ARHGEF3: variants seen among roughly 807,000 people sequenced by gnomAD.
ARHGEF3 encodes the protein Rho guanine nucleotide exchange factor 3.
In ARHGEF3, 28 loss-of-function variants were observed where a neutral mutation model predicts 63.2. That is an observed-to-expected ratio of 0.44 (90% CI 0.33 to 0.61). The LOEUF is 0.61. ARHGEF3 is among the 20% of genes least tolerant of loss of function. The pLI is 0.03. For synonymous variants in ARHGEF3, 266 were observed against 254.2 expected (o/e 1.05, Z -0.44); for missense variants, 533 against 659.3 (o/e 0.81, Z 2.10).
chr3:56,860,354 T>C (rs9833176), intron 4 of ARHGEF3, among the ~76,000 whole-genome samples: 90,208 of 151,514 alleles, frequency 0.6, 27,312 homozygotes, highest in East Asian at 0.77. Flanking sequence ...GCTGATTTTA[T>C]AATTTTTTTG....
rs558808507 is a variant in ARHGEF3, at chr3:56,824,978, C to G, written c.193-51162G>C. ...GTGAGGTGACAAGGTCAGGGTGACA[C>G]AAGCCAGTTAATTATGCAGCACTGT... On this transcript the variant is annotated intron_variant, in intron 4 of 12. Coordinates refer to the ARHGEF3 transcript ENST00000338458. Among the ~76,000 whole-genome samples, 7 of 152,294 alleles carry G rather than the reference C, an allele frequency of 4.6e-5. No individual in the cohort carries two copies. The East Asian group carries it at 1.4e-3, about 29-fold the overall frequency.
chr3:56,846,897 A>G (rs942931465), intron 4 of ARHGEF3, among the ~76,000 whole-genome samples: 8 of 152,164 alleles, frequency 5.3e-5, no homozygotes, highest in African/African-American at 1.9e-4. Context: ...GGAAAACATT[A>G]ATAATTGCAT....
At chr3:56,860,730 C>T (rs564132901) in intron 4 of ARHGEF3, among the ~76,000 whole-genome samples, 3 of 152,210 alleles carry the variant, frequency 2.0e-5, no homozygotes, top group East Asian at 3.9e-4. Flanking sequence ...TTTAGAGACC[C>T]CATGGAAGCC....
chr3:56,769,138 C>T (rs888026829), intron 2 of ARHGEF3, among the ~76,000 whole-genome samples: 10 of 152,210 alleles, frequency 6.6e-5, no homozygotes. Context: ...GGAAAAAGTG[C>T]AAGTCCAAAG....
intron 3 of ARHGEF3, among the ~76,000 whole-genome samples, chr3:56,958,489 C>T (rs1472266471): frequency 6.6e-6 from 1 of 151,974 alleles, no homozygotes; most frequent in Non-Finnish European, 1.5e-5. Flanking sequence ...CCACCGTGCC[C>T]AGCTAATTTT....
intron 1 of ARHGEF3, chr3:56,774,941 C>T (rs2036211461): frequency 3.1e-6 from 4 of 1,285,860 alleles, no homozygotes; most frequent in African/African-American, 1.6e-5. Context: ...AAAAAACAGG[C>T]TATGGGGAAG....
chr3:56,765,224 G>A (rs1036690686), intron 2 of ARHGEF3, among the ~76,000 whole-genome samples: 6 of 152,136 alleles, frequency 3.9e-5, no homozygotes, highest in Admixed American at 1.3e-4. Context: ...TTTTGTTGTT[G>A]TTCTGTTTGT....
intron 2 of ARHGEF3, among the ~76,000 whole-genome samples, chr3:56,969,886 C>G (rs181481862): frequency 6.6e-6 from 1 of 151,942 alleles, no homozygotes; most frequent in Admixed American, 6.6e-5. Context: ...AGTACTGATA[C>G]ATGCCACACC....
chr3:56,931,523 C>T (rs2042409788), intron 3 of ARHGEF3, among the ~76,000 whole-genome samples: 1 of 128,544 alleles, frequency 7.8e-6, no homozygotes, highest in Non-Finnish European at 1.6e-5. Flanking sequence ...CTGCAGTGAG[C>T]CATGATCGTG....
intron 4 of ARHGEF3, among the ~76,000 whole-genome samples, chr3:56,863,985 G>A (rs1207058079): frequency 6.6e-6 from 1 of 152,246 alleles, no homozygotes; most frequent in East Asian, 1.9e-4. Flanking sequence ...TCAAGACCAG[G>A]CAGTAAAGAT....
rs140482223 is a variant in ARHGEF3, at chr3:56,765,296, C to T, written c.204+8413G>A. 5.4e-3 allele frequency among the ~76,000 whole-genome samples: 819 copies of T among 152,086 alleles called. 7 individuals are homozygous for T. The highest frequency in any genetic ancestry group is 0.02 in the Middle Eastern group (6 of 294). ...TTTAGTTTCTGTTTCCAGTGATAAG[C>T]GGAAAAGAGGGATAAGGAAGGGGCT... On this transcript the variant is annotated intron_variant, in intron 2 of 9. Coordinates refer to ENST00000296315, the MANE Select transcript of ARHGEF3 (RefSeq NM_019555.3).
In ARHGEF3 at chr3:56,835,754, A is replaced by G. The variant is rs534477701; in HGVS notation, c.192+46538T>C. Reference sequence around the variant, plus strand: ...TTTCATACGACACAGAACATGACCCATAAAGTCCAACACACCCCAGGCCGG... The same window carrying G: ...TTTCATACGACACAGAACATGACCCGTAAAGTCCAACACACCCCAGGCCGG... On this transcript the variant is annotated intron_variant, in intron 4 of 12. Transcript: ENST00000338458. 1.8e-4 allele frequency among the ~76,000 whole-genome samples: 27 copies of G among 152,268 alleles called. 1 individual carries two copies. In the South Asian group the frequency reaches 3.5e-3, roughly 20 times the overall value.
In ARHGEF3 at chr3:56,855,782, A is replaced by G. The variant is rs150274293; in HGVS notation, c.192+26510T>C. Among the ~76,000 whole-genome samples the G allele has an allele frequency of 7.0e-4, 107 of 152,308 alleles. 3 individuals are homozygous for G. The South Asian group carries it at 0.019, about 28-fold the overall frequency. ...CATACAACTACGACACTAAAGTGGA[A>G]GGAAAAACTGTCATGCTGAACCACA... On this transcript the variant is annotated intron_variant, in intron 4 of 12. Transcript: ENST00000338458.
chr3:56,999,095 G>A (rs1282423453), intron 2 of ARHGEF3, among the ~76,000 whole-genome samples: 2 of 152,164 alleles, frequency 1.3e-5, no homozygotes, highest in Non-Finnish European at 2.9e-5. Flanking sequence ...TGTCGCTCAC[G>A]CTGGAGTGCA....
intron 2 of ARHGEF3, chr3:56,975,938 T>C (rs996843369): frequency 4.4e-6 from 1 of 229,462 alleles, no homozygotes; most frequent in South Asian, 4.8e-5. Flanking sequence ...TGTGTGCATA[T>C]TATACTTTTA....
At chr3:56,947,736 A>G (rs1370547702) in intron 3 of ARHGEF3, among the ~76,000 whole-genome samples, 5 of 152,178 alleles carry the variant, frequency 3.3e-5, no homozygotes, top group Non-Finnish European at 7.3e-5. Context: ...GAAAGTTAAC[A>G]AGGATATTGA....
At chr3:56,746,997 G>GT (rs1179414739) in intron 6 of ARHGEF3, among the ~76,000 whole-genome samples, 3 of 151,800 alleles carry the variant, frequency 2.0e-5, no homozygotes, top group Non-Finnish European at 4.4e-5. Flanking sequence ...TTATATTTGT[G>GT]TAAGTACTAG....
chr3:56,876,365 G>T (rs2040586061), intron 4 of ARHGEF3, among the ~76,000 whole-genome samples: 1 of 152,182 alleles, frequency 6.6e-6, no homozygotes, highest in African/African-American at 2.4e-5. Flanking sequence ...CAGTGAGGAG[G>T]CCACAGAGAC....
intron 4 of ARHGEF3, among the ~76,000 whole-genome samples, chr3:56,839,806 G>A (rs1257930187): frequency 6.6e-6 from 1 of 152,068 alleles, no homozygotes; most frequent in Non-Finnish European, 1.5e-5. Context: ...GAACCTGACA[G>A]CTCACAACAC....
Sources: gnomAD v4.1 joint callset for allele counts (sites outside exome capture counted in the v4.1 genomes callset) on GRCh38, gnomAD v4.1.1 for gene constraint, MANE v1.5 for transcripts, NCBI Gene and HGNC (gene_info 2026-07-23, HGNC 2026-07-21) for gene names.